EVL: variants seen among roughly 807,000 people sequenced by gnomAD.
EVL encodes the protein Enah/Vasp-like.
Under a neutral mutation model 59.6 loss-of-function variants are expected in EVL, and 21 were observed. The observed-to-expected ratio is 0.35, with a 90% CI of 0.25 to 0.51. The LOEUF is 0.51. Ranked by LOEUF, EVL falls within the 20% of genes least tolerant of loss-of-function variation. The pLI, the probability that EVL is intolerant of heterozygous loss-of-function variation, is 0.97. For missense variants in EVL, 462 were observed against 546.6 expected (o/e 0.85, Z 1.54); for synonymous variants, 198 against 203.5 (o/e 0.97, Z 0.23).
intron 3 of EVL, chr14:100,107,015 G>A (rs1886613294): frequency 5.0e-6 from 2 of 398,614 alleles, no homozygotes; most frequent in Admixed American, 4.4e-5. Context: ...CGTTGGGTCT[G>A]TGTGACCCTG....
In EVL at chr14:100,065,469, C is replaced by T. The variant is rs375596572; in HGVS notation, c.-32C>T. 64 of 1,493,682 alleles carry T rather than the reference C, an allele frequency of 4.3e-5. No individual in the cohort carries two copies. In the African/African-American group the frequency reaches 8.4e-4, roughly 20 times the overall value. 92.5% of individuals were successfully genotyped at this position (1,493,682 alleles called of 1,614,324 possible). ...CTGGTGGGAGTACAGGACTCGCCTCCTCAGGGTTCCCTGTGCTGCCACTTT... is the reference window on the plus strand; with the variant it reads ...CTGGTGGGAGTACAGGACTCGCCTCTTCAGGGTTCCCTGTGCTGCCACTTT... On this transcript the variant is annotated 5_prime_UTR_variant, in exon 1 of 14. Transcript: ENST00000392920.
chr14:100,078,327 G>C (rs1467661769), intron 1 of EVL, among the ~76,000 whole-genome samples: 2 of 152,180 alleles, frequency 1.3e-5, no homozygotes, highest in Non-Finnish European at 2.9e-5. Context: ...TGTGAAGGAG[G>C]CTGAGCAGGA....
In EVL at chr14:100,132,767, T is replaced by C. The variant is rs753874049; in HGVS notation, c.888T>C (p.Asp296=). Residue 296 remains aspartate, a synonymous_variant, in exon 8 of 14, where the codon GAT becomes GAC. Transcript: ENST00000392920. ...ACAAGCCAGCCGAGAAGAAGGAAGA[T>C]GAAAGCCAAATGGTGAGCAAGCAGC... ...QSDKPAEKKE[D]ESQMEDPSTS... 1.1e-5 allele frequency: 17 copies of C among 1,613,908 alleles called. No individual in the cohort carries two copies. Among genetic ancestry groups the C allele is most frequent in the Non-Finnish European group, 1.4e-5 (16 of 1,180,024 alleles).
intron 1 of EVL, among the ~76,000 whole-genome samples, chr14:100,039,553 G>A (rs1397920402): frequency 6.6e-6 from 1 of 152,142 alleles, no homozygotes; most frequent in East Asian, 1.9e-4. Flanking sequence ...AGCTTTTAAA[G>A]CAAAACTTTA....
chr14:99,971,867 G>A (rs954348333), exon 1 of EVL: 1 of 146,506 alleles, frequency 6.8e-6, no homozygotes, highest in Non-Finnish European at 1.5e-5. Context: ...GCCCTTCCCC[G>A]CAGCTAGCGG....
upstream of EVL, among the ~76,000 whole-genome samples, chr14:100,063,184 G>A (rs2061866654): frequency 1.3e-5 from 2 of 152,158 alleles, no homozygotes; most frequent in Admixed American, 6.5e-5. Flanking sequence ...GAGATGGAGC[G>A]GTTATCTTGG....
At chr14:100,013,330 C>T (rs2061028732) in intron 1 of EVL, among the ~76,000 whole-genome samples, 1 of 152,226 alleles carries the variant, frequency 6.6e-6, no homozygotes, top group East Asian at 1.9e-4. Context: ...GTCAGGAGGG[C>T]AACTCGATGG....
At position 100,141,167 on chromosome 14, in the gene EVL, C is replaced by T. The variant is rs760378759; in HGVS notation, c.1095-13C>T. Reference sequence around the variant, plus strand: ...TCTCCAGCCAGGGCACCCACAGGCCCTTTCTCTCCCAGGATGAAGCCTGCT... The same window carrying T: ...TCTCCAGCCAGGGCACCCACAGGCCTTTTCTCTCCCAGGATGAAGCCTGCT... On this transcript the variant is annotated splice_polypyrimidine_tract_variant and intron_variant, in intron 11 of 13. Coordinates refer to ENST00000392920, the MANE Select transcript of EVL (RefSeq NM_016337.3). 1.9e-6 allele frequency: 3 copies of T among 1,613,416 alleles called. No individual in the cohort carries two copies. Among genetic ancestry groups the T allele is most frequent in the African/African-American group, 2.7e-5 (2 of 74,924 alleles).
rs189233820 is a variant in EVL, at chr14:99,993,466, G to T, written c.5+21409G>T. On this transcript the variant is annotated intron_variant, in intron 1 of 13. Coordinates refer to the EVL transcript ENST00000402714. ...TTTGTAGTTTTCTTATTTTGTCTTT[G>T]TCTGGTTTTGGTATCAGATTAATGC... Among the ~76,000 whole-genome samples, 791 of 152,114 alleles carry T rather than the reference G, an allele frequency of 5.2e-3. 1 individual carries two copies. The highest frequency in any genetic ancestry group is 0.024 in the Middle Eastern group (7 of 294).
chr14:100,141,891 C>T, intron 13 of EVL, 98 bp downstream of exon 13: 4 of 1,041,376 alleles, frequency 3.8e-6, no homozygotes, highest in Non-Finnish European at 5.6e-6. Context: ...TGAGCTGGAG[C>T]CCATACTGCA....
chr14:100,080,983 C>G (rs2062288555), intron 1 of EVL, among the ~76,000 whole-genome samples: 1 of 152,118 alleles, frequency 6.6e-6, no homozygotes, highest in Non-Finnish European at 1.5e-5. Flanking sequence ...TATCAAATTT[C>G]CTTATAGCTA....
intron 1 of EVL, among the ~76,000 whole-genome samples, chr14:100,022,046 A>G (rs547445252): frequency 6.6e-6 from 1 of 152,190 alleles, no homozygotes; most frequent in African/African-American, 2.4e-5. Flanking sequence ...TGTCAGCTGA[A>G]ATGGGGAGAG....
intron 1 of EVL, chr14:99,974,850 A>G (rs148794637): frequency 3.3e-5 from 5 of 152,466 alleles, no homozygotes; most frequent in Non-Finnish European, 5.9e-5. Context: ...GGCCAGTGCA[A>G]GTCTCCATTT....
intron 1 of EVL, among the ~76,000 whole-genome samples, chr14:99,989,117 A>G (rs1372501751): frequency 1.3e-5 from 2 of 152,240 alleles, no homozygotes. Flanking sequence ...TTTTAAAACA[A>G]CAACAACTGA....
At position 100,130,482 on chromosome 14, in the gene EVL, C is replaced by T. The variant is rs1888362880; in HGVS notation, c.839+798C>T. ...TCACCTGCCAGAACAGAGGAAGCTG[C>T]AGCGGGGGCCCTGCTCCCTTGGTAA... is the stretch of plus-strand genomic sequence containing the variant. On this transcript the variant is annotated intron_variant, in intron 7 of 13. Transcript: ENST00000392920. The surrounding 1 kb of genome is among the most constrained non-coding windows in gnomAD (Gnocchi z 4.8). 1.3e-5 allele frequency among the ~76,000 whole-genome samples: 2 copies of T among 152,238 alleles called. No individual in the cohort carries two copies. Among genetic ancestry groups the T allele is most frequent in the South Asian group, 4.1e-4 (2 of 4,830 alleles).
chr14:100,125,449 C>A (rs1888012857), intron 4 of EVL, among the ~76,000 whole-genome samples: 1 of 152,162 alleles, frequency 6.6e-6, no homozygotes, highest in Non-Finnish European at 1.5e-5. Flanking sequence ...CCATGGTGTT[C>A]TAGGTGTGTG....
chr14:100,083,717 T>G (rs2062366420), intron 1 of EVL, among the ~76,000 whole-genome samples: 1 of 152,238 alleles, frequency 6.6e-6, no homozygotes, highest in South Asian at 2.1e-4. Context: ...TGCAGCCATC[T>G]ATTTATTTTG....
chr14:99,982,954 C>A (rs1006247672), intron 1 of EVL, among the ~76,000 whole-genome samples: 11 of 152,134 alleles, frequency 7.2e-5, no homozygotes, highest in African/African-American at 2.7e-4. Flanking sequence ...AGTTCACTTT[C>A]TTCAGAGGGT....
chr14:99,972,155 C>G lies in EVL; in HGVS notation c.5+98C>G. 3.8e-6 allele frequency: 1 copy of G among 266,302 alleles called. No individual in the cohort carries two copies. The highest frequency in any genetic ancestry group is 7.1e-6 in the Non-Finnish European group (1 of 140,246). The allele number at this position is 266,302 out of a possible 1,614,324, so 16.5% of individuals were successfully genotyped here. A position where few individuals can be genotyped will look rare whatever the true frequency, so the allele number is the denominator to read the frequency against. Reference sequence around the variant, plus strand: ...TGCCCCCGAGGGCGGGAGGGGGGCTCCACGGGCGCGGGGGCTTCCAGAGAA... The same window carrying G: ...TGCCCCCGAGGGCGGGAGGGGGGCTGCACGGGCGCGGGGGCTTCCAGAGAA... On this transcript the variant is annotated intron_variant, in intron 1 of 13. Transcript: ENST00000402714. This position sits in a 1 kb window ranked among gnomAD's most constrained non-coding sequence, Gnocchi z 4.4.
Sources: allele counts gnomAD v4.1 joint callset (sites outside exome capture counted in the v4.1 genomes callset), GRCh38; gene constraint gnomAD v4.1.1; non-coding constraint Gnocchi (gnomAD v3.1); transcripts MANE v1.5; gene names NCBI Gene and HGNC (gene_info 2026-07-23, HGNC 2026-07-21).